SGK1: variants seen among roughly 807,000 people sequenced by gnomAD.
The protein encoded by SGK1 is serum/glucocorticoid regulated kinase 1.
Under a neutral mutation model 64.2 loss-of-function variants are expected in SGK1, and 26 were observed. That is an observed-to-expected ratio of 0.40 (90% CI 0.30 to 0.56). SGK1 has a LOEUF of 0.56. SGK1 is among the 20% of genes least tolerant of loss of function. The pLI is 0.38. For synonymous variants in SGK1, 265 were observed against 239.7 expected (o/e 1.11, Z -0.98); for missense variants, 519 against 645.6 (o/e 0.80, Z 2.12).
chr6:134,285,193 T>G (rs1777162379), intron 1 of SGK1, among the ~76,000 whole-genome samples: 1 of 152,204 alleles, frequency 6.6e-6, no homozygotes, highest in Middle Eastern at 3.4e-3. Flanking sequence ...GCTCGGTGGC[T>G]CACGCCTGTA....
intron 1 of SGK1, among the ~76,000 whole-genome samples, chr6:134,276,398 G>A (rs1777018250): frequency 1.3e-5 from 2 of 152,168 alleles, no homozygotes; most frequent in African/African-American, 4.8e-5. Context: ...CAGCATTTTG[G>A]AGAGAGAGGA....
At chr6:134,251,899 T>G (rs151164203) in intron 2 of SGK1, among the ~76,000 whole-genome samples, 1 of 152,056 alleles carries the variant, frequency 6.6e-6, no homozygotes, top group African/African-American at 2.4e-5. Context: ...GGACTACAGG[T>G]GGGTGCCATC....
At chr6:134,232,713 T>A (rs1291559188) in intron 2 of SGK1, among the ~76,000 whole-genome samples, 1 of 151,744 alleles carries the variant, frequency 6.6e-6, no homozygotes, top group Non-Finnish European at 1.5e-5. Context: ...TAGCTGGGTG[T>A]GGTTGTGGGG....
At chr6:134,309,345 T>C (rs1777578987) in intron 1 of SGK1, among the ~76,000 whole-genome samples, 1 of 152,172 alleles carries the variant, frequency 6.6e-6, no homozygotes, top group Non-Finnish European at 1.5e-5. Flanking sequence ...TGCCTTACTG[T>C]CTGCTTTTCC....
chr6:134,280,793 G>A (rs1296563905), intron 1 of SGK1, among the ~76,000 whole-genome samples: 2 of 152,192 alleles, frequency 1.3e-5, no homozygotes, highest in African/African-American at 4.8e-5. Flanking sequence ...CAGGCCAGGT[G>A]CAGTGGCTCA....
intron 3 of SGK1, among the ~76,000 whole-genome samples, chr6:134,182,744 C>G (rs1425346219): frequency 6.6e-6 from 1 of 152,218 alleles, no homozygotes; most frequent in Non-Finnish European, 1.5e-5. Flanking sequence ...GCCTATGTGA[C>G]AGGAATTCCG....
In SGK1 at chr6:134,194,170, C is replaced by CT. The variant is rs57567582; in HGVS notation, c.361+13185dup. On this transcript the variant is annotated intron_variant, in intron 3 of 13. Transcript: ENST00000367858. ...ACAGACTGTGGCCCCAGCTGGAAATCTTTTTTTTTTTTTCTCATCAATGTT... is the reference window on the plus strand; with the variant it reads ...ACAGACTGTGGCCCCAGCTGGAAATCTTTTTTTTTTTTTTCTCATCAATGTT... Among the ~76,000 whole-genome samples the CT allele has an allele frequency of 2.5e-3, 366 of 145,632 alleles. 1 individual carries two copies. The highest frequency in any genetic ancestry group is 9.1e-3 in the South Asian group (41 of 4,520).
rs568543026 is a variant in SGK1 at position 134,225,305 on chromosome 6, C to T, written c.286-17874G>A. ...GGCAAAGGCTGCAGTGAGCTGAGAT[C>T]GGACCACTGCACTCCAGCCTGGGTG... On this transcript the variant is annotated intron_variant, in intron 2 of 13. Transcript: ENST00000367858. 6.3e-5 allele frequency among the ~76,000 whole-genome samples: 9 copies of T among 143,584 alleles called. No homozygotes were observed. In the East Asian group the frequency reaches 1.0e-3, roughly 16 times the overall value. The allele number at this position is 143,584 out of a possible 152,430, so 94.2% of individuals were successfully genotyped here.
At chr6:134,300,382 C>CA (rs1363156083) in intron 1 of SGK1, among the ~76,000 whole-genome samples, 2 of 151,228 alleles carry the variant, frequency 1.3e-5, no homozygotes, top group African/African-American at 4.9e-5. Context: ...ACTAAAAATT[C>CA]AAAAAAATTA....
chr6:134,297,162 C>T (rs2114786819), intron 1 of SGK1: 1 of 647,264 alleles, frequency 1.5e-6, no homozygotes, highest in African/African-American at 1.8e-5. Context: ...GCACAGACCA[C>T]CTGCATAGCC....
chr6:134,231,329 T>C (rs990622334), intron 2 of SGK1, among the ~76,000 whole-genome samples: 1 of 152,234 alleles, frequency 6.6e-6, no homozygotes, highest in African/African-American at 2.4e-5. Flanking sequence ...ATACATATAT[T>C]TCTTTCTCCA....
intron 11 of SGK1, 68 bp from the exon 12 acceptor site, chr6:134,171,246 AAAAAGATAT>A: frequency 2.1e-6 from 3 of 1,406,714 alleles, no homozygotes; most frequent in Non-Finnish European, 3.0e-6. Flanking sequence ...ACCAGTAGAG[AAAAAGATAT>A]AAACGGCAAT....
At chr6:134,175,659 C>A in intron 3 of SGK1, 4 of 1,506,394 alleles carry the variant, frequency 2.7e-6, no homozygotes, top group Middle Eastern at 4.1e-4. Flanking sequence ...GCATCTCCCC[C>A]ATGGGCAGCG....
chr6:134,296,303 T>C (rs1393717295), intron 1 of SGK1, among the ~76,000 whole-genome samples: 1 of 152,174 alleles, frequency 6.6e-6, no homozygotes, highest in East Asian at 1.9e-4. Context: ...GGCGAGATAT[T>C]GCTGTGTTGG....
chr6:134,258,116 T>C (rs986532154), intron 2 of SGK1, among the ~76,000 whole-genome samples: 2 of 151,992 alleles, frequency 1.3e-5, no homozygotes, highest in Non-Finnish European at 2.9e-5. Context: ...ATTTTTTTTT[T>C]TTTTGAGACA....
At chr6:134,175,657 C>T (rs992468654) in intron 3 of SGK1, 13 of 1,506,980 alleles carry the variant, frequency 8.6e-6, no homozygotes, top group Non-Finnish European at 1.2e-5. Context: ...CTGCATCTCC[C>T]CCATGGGCAG....
At chr6:134,300,948 G>A (rs934743697) in intron 1 of SGK1, among the ~76,000 whole-genome samples, 4 of 151,990 alleles carry the variant, frequency 2.6e-5, no homozygotes, top group African/African-American at 7.2e-5. Context: ...AATGTATTTT[G>A]GAAGTAAACA....
chr6:134,194,971 C>G (rs182653322), intron 3 of SGK1, among the ~76,000 whole-genome samples: 8 of 152,274 alleles, frequency 5.3e-5, no homozygotes, highest in Admixed American at 5.2e-4. Flanking sequence ...TTAAAATCCA[C>G]TAGACTTTTT....
At position 134,220,646 on chromosome 6, in the gene SGK1, G is replaced by A. The variant is rs573357164; in HGVS notation, c.286-13215C>T. 3.9e-5 allele frequency among the ~76,000 whole-genome samples: 6 copies of A among 152,158 alleles called. No homozygotes were observed. The East Asian group carries it at 1.2e-3, about 29-fold the overall frequency. ...TGGCAAAGTTAGAGTTCAGTTTAGG[G>A]TTAGGGTTAGGGCCTCTAAGTTTTA... is the stretch of plus-strand genomic sequence containing the variant. On this transcript the variant is annotated intron_variant, in intron 2 of 13. Transcript: ENST00000367858.
Sources: allele counts gnomAD v4.1 joint callset (sites outside exome capture counted in the v4.1 genomes callset), GRCh38; gene constraint gnomAD v4.1.1; transcripts MANE v1.5; gene names NCBI Gene and HGNC (gene_info 2026-07-23, HGNC 2026-07-21).